Variants in NOX4 observed in about 807,000 individuals in gnomAD.
The protein encoded by NOX4 is NADPH oxidase 4.
NOX4 carries 69 observed loss-of-function variants against 87.6 expected under a neutral mutation model. The observed-to-expected ratio is 0.79, with a 90% CI of 0.65 to 0.96. The LOEUF is 0.96. Among genes scored for constraint, NOX4 ranks in the 40% least tolerant of loss-of-function variants. The pLI is 0.00. For missense variants in NOX4, 680 were observed against 681.5 expected (o/e 1.00, Z 0.02); for synonymous variants, 275 against 238.2 (o/e 1.15, Z -1.42).
At chr11:89,537,986 G>T in the NOX4 span, among the ~76,000 whole-genome samples, 1 of 152,224 alleles carries the variant, frequency 6.6e-6, no homozygotes, top group Non-Finnish European at 1.5e-5. Flanking sequence ...ACCAGAATAT[G>T]GTTGGAACAA....
At chr11:89,540,959 A>G in the NOX4 span, among the ~76,000 whole-genome samples, 2 of 151,862 alleles carry the variant, frequency 1.3e-5, no homozygotes, top group African/African-American at 4.8e-5. Context: ...AGACACTAAT[A>G]ACAGCCTTTT....
intron 14 of NOX4, among the ~76,000 whole-genome samples, chr11:89,341,418 C>T (rs1038564660): frequency 6.6e-6 from 1 of 152,046 alleles, no homozygotes; most frequent in Admixed American, 6.6e-5. Flanking sequence ...CCAATGTGCC[C>T]GGCCACAATT....
At chr11:89,410,490 C>T (rs1216455443) in intron 8 of NOX4, among the ~76,000 whole-genome samples, 1 of 152,166 alleles carries the variant, frequency 6.6e-6, no homozygotes, top group Non-Finnish European at 1.5e-5. Context: ...AATAAACACT[C>T]CTATCCCCAG....
intron 11 of NOX4, 55 bp downstream of exon 11, chr11:89,399,962 G>C: frequency 7.4e-7 from 1 of 1,356,432 alleles, no homozygotes; most frequent in East Asian, 2.3e-5. Flanking sequence ...CACAAAAAAA[G>C]AAAAATATGC....
chr11:89,482,316 T>C (rs1392535015), intron 2 of NOX4, among the ~76,000 whole-genome samples: 1 of 152,100 alleles, frequency 6.6e-6, no homozygotes, highest in African/African-American at 2.4e-5. Context: ...CATGCTTAGC[T>C]TCCAGAGGAA....
At chr11:89,337,971 C>T (rs1441515509) in intron 15 of NOX4, among the ~76,000 whole-genome samples, 3 of 151,914 alleles carry the variant, frequency 2.0e-5, no homozygotes, top group Admixed American at 1.3e-4. Flanking sequence ...TTTTCCTGTT[C>T]CTTCCTTCCG....
At chr11:89,408,903 G>A (rs753532184) in intron 8 of NOX4, among the ~76,000 whole-genome samples, 36 of 152,098 alleles carry the variant, frequency 2.4e-4, no homozygotes, top group Non-Finnish European at 4.1e-4. Context: ...AGCTGATTCT[G>A]CCACAATCTC....
chr11:89,353,130 C>T (rs1011310556), intron 13 of NOX4, among the ~76,000 whole-genome samples: 1 of 152,076 alleles, frequency 6.6e-6, no homozygotes, highest in African/African-American at 2.4e-5. Flanking sequence ...AAAATCTACT[C>T]CTGGTAAAGA....
chr11:89,338,439 T>A (rs1205052929), intron 15 of NOX4, among the ~76,000 whole-genome samples: 1 of 152,144 alleles, frequency 6.6e-6, no homozygotes, highest in Admixed American at 6.6e-5. Flanking sequence ...TGAATAATGC[T>A]TCTATGGGCA....
chr11:89,432,506 C>T lies in NOX4; in HGVS notation c.548+278G>A, dbSNP rs545986145. Among the ~76,000 whole-genome samples the T allele has an allele frequency of 3.2e-4, 49 of 152,160 alleles. No individual in the cohort carries two copies. In the South Asian group the frequency reaches 9.8e-3, roughly 30 times the overall value. On this transcript the variant is annotated intron_variant, in intron 7 of 17. Transcript: ENST00000263317. Reference sequence around the variant, plus strand: ...CAATCCCGTGTCCCATAGAGATACACTATCCTTCAAAAGATACTCAAATTC... The same window carrying T: ...CAATCCCGTGTCCCATAGAGATACATTATCCTTCAAAAGATACTCAAATTC...
chr11:89,468,434 G>A (rs1945796709), intron 2 of NOX4, among the ~76,000 whole-genome samples: 1 of 152,142 alleles, frequency 6.6e-6, no homozygotes, highest in Non-Finnish European at 1.5e-5. Context: ...AAAGGTCATT[G>A]CCCAGAGCAG....
intron 15 of NOX4, among the ~76,000 whole-genome samples, chr11:89,339,688 A>T (rs189119096): frequency 2.5e-3 from 384 of 152,284 alleles, no homozygotes; most frequent in African/African-American, 8.9e-3. Context: ...CTATCAGAAC[A>T]GAGGATGGAA....
Position 89,421,891 on chromosome 11 carries a change from T to A in NOX4, c.629+11A>T. Reference sequence around the variant, plus strand: ...ACAAATGGTTTTAAATACATACATTTGTAAACTTACCCTGAAACATGCAAC... The same window carrying A: ...ACAAATGGTTTTAAATACATACATTAGTAAACTTACCCTGAAACATGCAAC... On this transcript the variant is annotated intron_variant, in intron 8 of 17. Coordinates refer to ENST00000263317, the MANE Select transcript of NOX4 (RefSeq NM_016931.5). The A allele has an allele frequency of 6.5e-7, 1 of 1,543,722 alleles. No homozygotes were observed. The highest frequency in any genetic ancestry group is 2.4e-5 in the East Asian group (1 of 41,546).
the NOX4 span, among the ~76,000 whole-genome samples, chr11:89,567,558 CAT>C: frequency 1.3e-5 from 2 of 152,318 alleles, no homozygotes; most frequent in East Asian, 1.9e-4. Flanking sequence ...AAGAAGCAAA[CAT>C]ATCTTTCTTC....
chr11:89,376,708 C>G lies in NOX4; in HGVS notation c.1075-3216G>C, dbSNP rs503404. ...CCAGCCTGACCAAGATGGTGAAACC[C>G]TGTCTCTACTAAAAATACAAAAAAT... On this transcript the variant is annotated intron_variant, in intron 11 of 17. Transcript: ENST00000263317. 1.0e-2 allele frequency among the ~76,000 whole-genome samples: 1,515 copies of G among 152,162 alleles called. 25 individuals are homozygous for G. Among genetic ancestry groups the G allele is most frequent in the African/African-American group, 0.035 (1,449 of 41,532 alleles).
chr11:89,393,486 G>A (rs527524252), intron 11 of NOX4, among the ~76,000 whole-genome samples: 1 of 152,016 alleles, frequency 6.6e-6, no homozygotes, highest in African/African-American at 2.4e-5. Flanking sequence ...TTCAGTACCT[G>A]AGACTACTTT....
intron 16 of NOX4, among the ~76,000 whole-genome samples, chr11:89,336,718 C>T (rs1945730492): frequency 6.6e-6 from 1 of 151,884 alleles, no homozygotes. Context: ...TATTGACTTA[C>T]TTCGTGAGAC....
At chr11:89,520,755 C>A in the NOX4 span, among the ~76,000 whole-genome samples, 2,266 of 152,204 alleles carry the variant, frequency 0.015, 46 homozygotes, top group African/African-American at 0.047. Context: ...AACAAACTAT[C>A]TCTCTTCACT....
At position 89,441,119 on chromosome 11, in the gene NOX4, CAG is replaced by C. The variant is rs1331964677; in HGVS notation, c.448-406_448-405del. Among the ~76,000 whole-genome samples the C allele has an allele frequency of 2.6e-5, 4 of 152,132 alleles. No individual in the cohort carries two copies. The East Asian group carries it at 7.7e-4, about 29-fold the overall frequency. On this transcript the variant is annotated intron_variant, in intron 5 of 17. Transcript: ENST00000263317. ...GAAACTGCATCACAAGATGTGAAGA[CAG>C]AATTAAAAACCAATAAAATATGTAG...
Sources: gnomAD v4.1 joint callset for allele counts (sites outside exome capture counted in the v4.1 genomes callset) on GRCh38, gnomAD v4.1.1 for gene constraint, MANE v1.5 for transcripts, NCBI Gene and HGNC (gene_info 2026-07-23, HGNC 2026-07-21) for gene names.